FHIT: variants seen among roughly 807,000 people sequenced by gnomAD.
FHIT encodes bis(5'-adenosyl)-triphosphatase.
Under a neutral mutation model 17.9 loss-of-function variants are expected in FHIT, and 19 were observed. That is an observed-to-expected ratio of 1.06 (90% CI 0.74 to 1.56). FHIT has a LOEUF of 1.56. Ranked by LOEUF, FHIT falls within the 40% of genes most tolerant of loss-of-function variation. The pLI is 0.00. For missense variants in FHIT, 248 were observed against 189.2 expected (o/e 1.31, Z -1.82); for synonymous variants, 81 against 69.7 (o/e 1.16, Z -0.81).
intron 5 of FHIT, among the ~76,000 whole-genome samples, chr3:60,296,713 G>T (rs1488678912): frequency 1.3e-5 from 2 of 151,950 alleles, no homozygotes; most frequent in Non-Finnish European, 2.9e-5. Context: ...CCAAGTCCAA[G>T]AACCCTTTGC....
intron 8 of FHIT, among the ~76,000 whole-genome samples, chr3:59,772,921 G>A (rs760114892): frequency 1.3e-5 from 2 of 152,168 alleles, no homozygotes; most frequent in African/African-American, 2.4e-5. Flanking sequence ...TCATTCACAT[G>A]TACTTACTTT....
intron 8 of FHIT, among the ~76,000 whole-genome samples, chr3:59,831,934 T>C (rs188899362): frequency 1.2e-4 from 18 of 152,280 alleles, no homozygotes; most frequent in Admixed American, 3.3e-4. Flanking sequence ...TGTGTGTGTA[T>C]TGCAGCCATA....
At chr3:61,242,495 C>A (rs185269976) in intron 1 of FHIT, among the ~76,000 whole-genome samples, 1 of 152,202 alleles carries the variant, frequency 6.6e-6, no homozygotes, top group Non-Finnish European at 1.5e-5. Flanking sequence ...TATCCCCCTA[C>A]CCCAGAAGCC....
chr3:60,570,903 C>T (rs905029801), intron 4 of FHIT, among the ~76,000 whole-genome samples: 3 of 151,850 alleles, frequency 2.0e-5, no homozygotes, highest in Admixed American at 2.0e-4. Context: ...CACTTAGGGG[C>T]CATTGTAGCT....
chr3:60,367,497 G>T (rs1305902063), intron 5 of FHIT, among the ~76,000 whole-genome samples: 1 of 152,190 alleles, frequency 6.6e-6, no homozygotes, highest in Non-Finnish European at 1.5e-5. Flanking sequence ...AAACGAGGAA[G>T]TGGGAAAATC....
intron 1 of FHIT, among the ~76,000 whole-genome samples, chr3:61,231,561 T>A (rs946019987): frequency 2.0e-5 from 3 of 151,866 alleles, no homozygotes; most frequent in African/African-American, 7.3e-5. Flanking sequence ...CAAACAATGG[T>A]CAGATTCAAA....
intron 4 of FHIT, among the ~76,000 whole-genome samples, chr3:60,752,231 A>T (rs532501329): frequency 1.4e-4 from 21 of 152,362 alleles, no homozygotes; most frequent in African/African-American, 4.6e-4. Context: ...GTGGGGGAAC[A>T]CATGGAGAGG....
chr3:60,144,696 G>A lies in FHIT; in HGVS notation c.104-130544C>T, dbSNP rs1010800176. Among the ~76,000 whole-genome samples the A allele has an allele frequency of 1.4e-4, 21 of 151,952 alleles. 2 individuals are homozygous for A. The highest frequency in any genetic ancestry group is 2.9e-5 in the Non-Finnish European group (2 of 67,996). On this transcript the variant is annotated intron_variant, in intron 5 of 9. Transcript: ENST00000492590. ...CCGTGTTGTGTAATGATCCAATCAG[G>A]GTAGTTAGTATATCCATCACCTCAT... is the stretch of plus-strand genomic sequence containing the variant.
chr3:60,936,837 T>C (rs1037479904), intron 3 of FHIT, among the ~76,000 whole-genome samples: 3 of 152,278 alleles, frequency 2.0e-5, no homozygotes, highest in South Asian at 2.1e-4. Context: ...CATTTTTTAA[T>C]ACAAAGAAAG....
intron 8 of FHIT, among the ~76,000 whole-genome samples, chr3:59,767,743 C>T (rs1701874493): frequency 6.6e-6 from 1 of 152,140 alleles, no homozygotes; most frequent in South Asian, 2.1e-4. Flanking sequence ...AGAGTACCTA[C>T]CCCATCCATG....
chr3:60,758,984 A>T (rs898173302), intron 4 of FHIT, among the ~76,000 whole-genome samples: 1 of 152,174 alleles, frequency 6.6e-6, no homozygotes, highest in South Asian at 2.1e-4. Context: ...AGCTACGGCG[A>T]TGTCCAGGGC....
intron 4 of FHIT, among the ~76,000 whole-genome samples, chr3:60,645,174 C>T (rs2039825246): frequency 6.6e-6 from 1 of 152,108 alleles, no homozygotes; most frequent in Non-Finnish European, 1.5e-5. Context: ...TCAAAAACAA[C>T]CCCACGTTGG....
intron 7 of FHIT, among the ~76,000 whole-genome samples, chr3:59,948,831 T>C (rs911469759): frequency 2.0e-5 from 3 of 152,042 alleles, no homozygotes; most frequent in Non-Finnish European, 4.4e-5. Context: ...TTTTCTATCA[T>C]AAAGTTTTTT....
intron 5 of FHIT, among the ~76,000 whole-genome samples, chr3:60,218,446 A>G (rs1703800041): frequency 6.6e-6 from 1 of 152,188 alleles, no homozygotes; most frequent in Non-Finnish European, 1.5e-5. Context: ...AGAAAGTTCA[A>G]CTTGCCATGA....
At chr3:60,041,239 C>A (rs955086047) in intron 5 of FHIT, among the ~76,000 whole-genome samples, 15 of 152,196 alleles carry the variant, frequency 9.9e-5, no homozygotes, top group Non-Finnish European at 1.8e-4. Context: ...CAGACTCTCA[C>A]TTGCACAGGG....
chr3:60,340,136 G>A (rs1710443605), intron 5 of FHIT, among the ~76,000 whole-genome samples: 1 of 152,008 alleles, frequency 6.6e-6, no homozygotes, highest in African/African-American at 2.4e-5. Context: ...AGGCAATAAA[G>A]GACTTATTAC....
chr3:59,792,142 G>A (rs1418694785), intron 8 of FHIT, among the ~76,000 whole-genome samples: 2 of 152,146 alleles, frequency 1.3e-5, no homozygotes, highest in South Asian at 2.1e-4. Context: ...CTTTGGAAAT[G>A]TTAAATTGTT....
chr3:59,962,286 G>T (rs908872900), intron 7 of FHIT, among the ~76,000 whole-genome samples: 1 of 152,204 alleles, frequency 6.6e-6, no homozygotes, highest in African/African-American at 2.4e-5. Flanking sequence ...TAGAGATGGG[G>T]CTCTTGGAAA....
rs189730416 is a variant in FHIT at position 61,026,902 on chromosome 3, T to G, written c.-111+15145A>C. 2.5e-3 allele frequency among the ~76,000 whole-genome samples: 374 copies of G among 152,312 alleles called. 3 individuals carry two copies. The highest frequency in any genetic ancestry group is 8.3e-3 in the African/African-American group (344 of 41,580). Reference sequence around the variant, plus strand: ...CACTTTTGAGTTGGATTGAAACAGTTGCCTACTGGAGCTGCCTCCCTGAGG... The same window carrying G: ...CACTTTTGAGTTGGATTGAAACAGTGGCCTACTGGAGCTGCCTCCCTGAGG... On this transcript the variant is annotated intron_variant, in intron 3 of 9. Coordinates refer to ENST00000492590, the MANE Select transcript of FHIT (RefSeq NM_002012.4).
Sources: allele counts gnomAD v4.1 joint callset (sites outside exome capture counted in the v4.1 genomes callset), GRCh38; gene constraint gnomAD v4.1.1; transcripts MANE v1.5; gene names NCBI Gene and HGNC (gene_info 2026-07-23, HGNC 2026-07-21).